The following GSK3B variants were observed in gnomAD, a reference collection of about 807,000 sequenced individuals.
GSK3B encodes the protein glycogen synthase kinase 3 beta.
A neutral mutation model predicts 56.4 loss-of-function variants in GSK3B; 15 were observed. The observed-to-expected ratio is 0.27, with a 90% CI of 0.18 to 0.41. The LOEUF (loss-of-function observed/expected upper bound fraction) is 0.41, where lower values mean the gene tolerates loss of function less well. Among genes scored for constraint, GSK3B ranks in the 10% least tolerant of loss-of-function variants. The pLI, the probability that GSK3B is intolerant of heterozygous loss-of-function variation, is 1.00. For synonymous variants in GSK3B, 181 were observed against 188.9 expected, an observed-to-expected ratio of 0.96 and a Z score of 0.34; for missense variants, 300 against 513.4, an observed-to-expected ratio of 0.58 and a Z score of 4.02.
intron 1 of GSK3B, among the ~76,000 whole-genome samples, chr3:120,031,718 TATA>T (rs1055227613): frequency 1.6e-4 from 25 of 152,342 alleles, no homozygotes; most frequent in Non-Finnish European, 1.5e-5. Flanking sequence ...AATCTAAGCC[TATA>T]CTCTTTCCAC....
chr3:120,070,672 GC>G (rs950467378), intron 1 of GSK3B, among the ~76,000 whole-genome samples: 1 of 152,062 alleles, frequency 6.6e-6, no homozygotes, highest in African/African-American at 2.4e-5. Flanking sequence ...AATATACAAA[GC>G]AAATGATGTG....
At chr3:119,978,422 G>A (rs2057429247) in intron 2 of GSK3B, among the ~76,000 whole-genome samples, 1 of 152,216 alleles carries the variant, frequency 6.6e-6, no homozygotes, top group Non-Finnish European at 1.5e-5. Flanking sequence ...AATCGGCCAG[G>A]AGTGCCTCTC....
In GSK3B at chr3:119,823,441, A is replaced by G; in HGVS notation, c.*3347T>C. 1.0e-5 allele frequency: 2 copies of G among 198,244 alleles called. No individual in the cohort carries two copies. The highest frequency in any genetic ancestry group is 2.1e-5 in the Non-Finnish European group (2 of 95,768). 12.3% of individuals were successfully genotyped at this position (198,244 alleles called of 1,614,324 possible). On this transcript the variant is annotated 3_prime_UTR_variant, in exon 11 of 11. Transcript: ENST00000264235. ...TAGACCACTGACGTATCAAAACCTGATACTATTAAGAAACTTCGATTTATA... is the reference window on the plus strand; with the variant it reads ...TAGACCACTGACGTATCAAAACCTGGTACTATTAAGAAACTTCGATTTATA...
At chr3:120,076,888 G>T (rs978547730) in intron 1 of GSK3B, among the ~76,000 whole-genome samples, 1 of 149,132 alleles carries the variant, frequency 6.7e-6, no homozygotes, top group Non-Finnish European at 1.5e-5. Context: ...CCTAAAAAAC[G>T]GCCAACAGGT....
At chr3:120,086,303 T>C (rs567471937) in intron 1 of GSK3B, among the ~76,000 whole-genome samples, 1 of 152,094 alleles carries the variant, frequency 6.6e-6, no homozygotes, top group South Asian at 2.1e-4. Flanking sequence ...TTGGAAACAA[T>C]ACCCTGGGCT....
intron 8 of GSK3B, among the ~76,000 whole-genome samples, chr3:119,867,168 A>C (rs574524752): frequency 6.6e-6 from 1 of 152,298 alleles, no homozygotes; most frequent in Non-Finnish European, 1.5e-5. Context: ...GAAAGTAATA[A>C]ATATATTTAA....
chr3:119,951,917 A>T lies in GSK3B; in HGVS notation c.283-4566T>A, dbSNP rs1004290987. On this transcript the variant is annotated intron_variant, in intron 2 of 10. Transcript: ENST00000264235. Reference sequence around the variant, plus strand: ...TGAAACACATTATAACAAAAATGAGATTCACTATGTCCTCAAGAAAATATT... The same window carrying T: ...TGAAACACATTATAACAAAAATGAGTTTCACTATGTCCTCAAGAAAATATT... 4.6e-5 allele frequency among the ~76,000 whole-genome samples: 7 copies of T among 151,978 alleles called. No individual in the cohort carries two copies. In the East Asian group the frequency reaches 1.4e-3, roughly 29 times the overall value.
chr3:119,910,253 C>T (rs192533865), intron 6 of GSK3B, among the ~76,000 whole-genome samples: 2 of 152,106 alleles, frequency 1.3e-5, no homozygotes, highest in Admixed American at 1.3e-4. Flanking sequence ...ACCTTAAATT[C>T]TAAAAAGTAG....
intron 1 of GSK3B, among the ~76,000 whole-genome samples, chr3:120,079,044 C>T (rs1368963993): frequency 2.0e-5 from 3 of 149,000 alleles, no homozygotes; most frequent in African/African-American, 7.4e-5. Flanking sequence ...CAGGTTCAAA[C>T]GATTCTCCTG....
intron 9 of GSK3B, among the ~76,000 whole-genome samples, chr3:119,848,161 TAG>T (rs1192935849): frequency 2.0e-5 from 3 of 152,260 alleles, no homozygotes; most frequent in Non-Finnish European, 4.4e-5. Flanking sequence ...CAAGTAGTGG[TAG>T]CGAGCTTGTA....
intron 9 of GSK3B, among the ~76,000 whole-genome samples, chr3:119,856,791 C>A (rs1044900214): frequency 1.3e-5 from 2 of 152,080 alleles, no homozygotes; most frequent in African/African-American, 4.8e-5. Context: ...TCAAGAGTTC[C>A]TATCCTATGT....
chr3:119,920,997 A>T (rs1429821054), intron 4 of GSK3B, among the ~76,000 whole-genome samples: 2 of 152,202 alleles, frequency 1.3e-5, no homozygotes, highest in Non-Finnish European at 2.9e-5. Flanking sequence ...TCCCACTAAA[A>T]GAACAAGGTC....
At chr3:120,088,184 G>A (rs1182549585) in intron 1 of GSK3B, among the ~76,000 whole-genome samples, 1 of 152,080 alleles carries the variant, frequency 6.6e-6, no homozygotes, top group Non-Finnish European at 1.5e-5. Flanking sequence ...GAGCCACCGT[G>A]CCAGCCGAAC....
intron 7 of GSK3B, among the ~76,000 whole-genome samples, chr3:119,892,459 A>G (rs1559825510): frequency 1.3e-5 from 2 of 152,268 alleles, no homozygotes; most frequent in East Asian, 3.9e-4. Context: ...TAGCTCTCCT[A>G]AGAAGGCTTT....
intron 2 of GSK3B, among the ~76,000 whole-genome samples, chr3:119,988,127 A>T (rs2057533132): frequency 6.6e-6 from 1 of 152,228 alleles, no homozygotes; most frequent in African/African-American, 2.4e-5. Flanking sequence ...TGGAGACTGT[A>T]ACATCAGAAT....
intron 6 of GSK3B, among the ~76,000 whole-genome samples, chr3:119,912,126 C>A (rs2056740206): frequency 2.0e-5 from 3 of 152,106 alleles, no homozygotes; most frequent in African/African-American, 7.2e-5. Flanking sequence ...CACTTAGAGG[C>A]AACTGCAGAG....
At chr3:120,030,282 G>T (rs1359495295) in intron 1 of GSK3B, among the ~76,000 whole-genome samples, 1 of 152,030 alleles carries the variant, frequency 6.6e-6, no homozygotes, top group Non-Finnish European at 1.5e-5. Context: ...ATTATCTCAT[G>T]CATTCCCAGA....
chr3:119,949,568 C>G lies in GSK3B; in HGVS notation c.283-2217G>C, dbSNP rs79895576. On this transcript the variant is annotated intron_variant, in intron 2 of 10. Coordinates refer to ENST00000264235, the MANE Select transcript of GSK3B (RefSeq NM_001146156.2). ...AGTTCAGAGAGGTAGGAGTTATGTTCAGAGAGGCAGGCAGGCACAAGATCA... is the reference window on the plus strand; with the variant it reads ...AGTTCAGAGAGGTAGGAGTTATGTTGAGAGAGGCAGGCAGGCACAAGATCA... Among the ~76,000 whole-genome samples, 41 of 152,118 alleles carry G rather than the reference C, an allele frequency of 2.7e-4. No individual in the cohort carries two copies. In the East Asian group the frequency reaches 7.9e-3, roughly 29 times the overall value.
intron 2 of GSK3B, among the ~76,000 whole-genome samples, chr3:119,956,517 C>A (rs956747084): frequency 2.6e-5 from 4 of 152,190 alleles, no homozygotes; most frequent in African/African-American, 9.7e-5. Flanking sequence ...AATGAGCACT[C>A]CCTTTAAACA....
Sources: allele counts gnomAD v4.1 joint callset (sites outside exome capture counted in the v4.1 genomes callset), GRCh38; gene constraint gnomAD v4.1.1; transcripts MANE v1.5; gene names NCBI Gene and HGNC (gene_info 2026-07-23, HGNC 2026-07-21).